MEI4: variants seen among roughly 807,000 people sequenced by gnomAD.
The protein encoded by MEI4 is meiotic double-stranded break formation protein 4.
Under a neutral mutation model 31.4 loss-of-function variants are expected in MEI4, and 27 were observed. That is an observed-to-expected ratio of 0.86 (90% CI 0.63 to 1.19). The LOEUF (loss-of-function observed/expected upper bound fraction) is 1.19. MEI4 is among the 50% of genes most tolerant of loss of function. The pLI, the probability that MEI4 is intolerant of heterozygous loss-of-function variation, is 0.00. For missense variants in MEI4, 329 were observed against 398.9 expected, an observed-to-expected ratio of 0.82 and a Z score of 1.49; for synonymous variants, 122 against 145.4, an observed-to-expected ratio of 0.84 and a Z score of 1.16.
chr6:77,795,764 T>A (rs6940249), intron 3 of MEI4, among the ~76,000 whole-genome samples: 9 of 150,028 alleles, frequency 6.0e-5, no homozygotes, highest in Middle Eastern at 3.5e-3. Context: ...GAGATTGCAT[T>A]GGAAAAAAAA....
In MEI4 at chr6:77,855,257, A is replaced by G. The variant is rs79470045; in HGVS notation, c.900+26195A>G. On this transcript the variant is annotated intron_variant, in intron 4 of 4. Coordinates refer to ENST00000684080, the MANE Select transcript of MEI4 (RefSeq NM_001322247.2). Reference sequence around the variant, plus strand: ...ATATTCAGGAGGCTGAAGCAGGACAATTGCTTCAACCTGGGAGGCAGAGGT... The same window carrying G: ...ATATTCAGGAGGCTGAAGCAGGACAGTTGCTTCAACCTGGGAGGCAGAGGT... 8.4e-3 allele frequency among the ~76,000 whole-genome samples: 1,282 copies of G among 152,212 alleles called. 13 individuals are homozygous for G. Among genetic ancestry groups the G allele is most frequent in the African/African-American group, 0.029 (1,185 of 41,530 alleles).
chr6:77,732,078 T>G (rs1767015405), intron 2 of MEI4, among the ~76,000 whole-genome samples: 1 of 150,742 alleles, frequency 6.6e-6, no homozygotes, highest in Admixed American at 6.6e-5. Flanking sequence ...TCCAGCTTTG[T>G]TCTTTTGACT....
At chr6:77,908,295 G>A (rs1420861637) in intron 4 of MEI4, among the ~76,000 whole-genome samples, 27 of 152,142 alleles carry the variant, frequency 1.8e-4, no homozygotes, top group Non-Finnish European at 3.7e-4. Context: ...TAACATTTAA[G>A]TCTTTAATCC....
chr6:77,776,932 C>T (rs1670841846), intron 3 of MEI4, among the ~76,000 whole-genome samples: 1 of 152,062 alleles, frequency 6.6e-6, no homozygotes, highest in Admixed American at 6.6e-5. Context: ...TAAGAGGTAG[C>T]AAGAGAAACA....
chr6:77,761,818 G>C (rs772368838), intron 3 of MEI4, among the ~76,000 whole-genome samples, 153 bp downstream of exon 3: 5 of 152,152 alleles, frequency 3.3e-5, no homozygotes, highest in Non-Finnish European at 7.3e-5. Context: ...TATCTGTCAT[G>C]ATGTCTCCAC....
At chr6:77,733,787 A>G in intron 2 of MEI4, among the ~76,000 whole-genome samples, 1 of 151,974 alleles carries the variant, frequency 6.6e-6, no homozygotes, top group Non-Finnish European at 1.5e-5. Context: ...TTCCCTCTAC[A>G]CAGTGCTTTG....
At chr6:77,697,615 C>A (rs1325027010) in intron 2 of MEI4, among the ~76,000 whole-genome samples, 2 of 152,094 alleles carry the variant, frequency 1.3e-5, no homozygotes, top group Non-Finnish European at 2.9e-5. Flanking sequence ...AGTTTGATTG[C>A]ACTGTGGTCT....
chr6:77,666,878 T>TGTGC (rs1554208078), intron 1 of MEI4, among the ~76,000 whole-genome samples: 1 of 146,074 alleles, frequency 6.8e-6, no homozygotes, highest in African/African-American at 2.6e-5. Context: ...TGTGTGTGTG[T>TGTGC]GTGTGCGTGC....
intron 3 of MEI4, among the ~76,000 whole-genome samples, chr6:77,772,645 C>T (rs1245769894): frequency 1.3e-5 from 2 of 151,966 alleles, no homozygotes; most frequent in Non-Finnish European, 2.9e-5. Flanking sequence ...GAAAGCCTTT[C>T]CTCTAAGATC....
chr6:77,919,267 A>G (rs1766642899), intron 4 of MEI4, among the ~76,000 whole-genome samples: 1 of 152,118 alleles, frequency 6.6e-6, no homozygotes, highest in Non-Finnish European at 1.5e-5. Context: ...TCCTCAGCAT[A>G]TGTAAAAGAA....
At chr6:77,825,925 G>C (rs528639609) in intron 3 of MEI4, among the ~76,000 whole-genome samples, 2 of 152,282 alleles carry the variant, frequency 1.3e-5, no homozygotes, top group South Asian at 4.1e-4. Context: ...TCTATACTCT[G>C]TGCATGCAGT....
intron 3 of MEI4, among the ~76,000 whole-genome samples, chr6:77,799,022 T>G (rs1769167948): frequency 6.6e-6 from 1 of 152,168 alleles, no homozygotes; most frequent in African/African-American, 2.4e-5. Flanking sequence ...ATGGGATTGC[T>G]GGGTCAAATG....
chr6:77,683,478 A>G lies in MEI4; in HGVS notation c.-14-7180A>G, dbSNP rs1229961136. Among the ~76,000 whole-genome samples, 9 of 152,220 alleles carry G rather than the reference A, an allele frequency of 5.9e-5. No individual in the cohort carries two copies. In the South Asian group the frequency reaches 1.5e-3, roughly 25 times the overall value. ...GCAAAACATTATTAACTATGTCACC[A>G]TGTTGTACCATGGATCTCTGGAAGT... On this transcript the variant is annotated intron_variant, in intron 1 of 4. Transcript: ENST00000684080.
chr6:77,852,617 A>G (rs1011393072), intron 4 of MEI4, among the ~76,000 whole-genome samples: 3 of 147,826 alleles, frequency 2.0e-5, no homozygotes, highest in African/African-American at 5.0e-5. Context: ...TTTTAGAGAC[A>G]GGAAAGTCCA....
intron 3 of MEI4, among the ~76,000 whole-genome samples, chr6:77,795,572 G>A (rs954643585): frequency 1.3e-5 from 2 of 151,576 alleles, no homozygotes; most frequent in African/African-American, 4.9e-5. Flanking sequence ...TATTCAAATA[G>A]TATTACAAAT....
chr6:77,850,366 A>G (rs1316360482), intron 4 of MEI4, among the ~76,000 whole-genome samples: 1 of 152,076 alleles, frequency 6.6e-6, no homozygotes, highest in East Asian at 1.9e-4. Flanking sequence ...GAGGCATCAC[A>G]CTCCCTGACT....
intron 3 of MEI4, among the ~76,000 whole-genome samples, chr6:77,790,691 T>G (rs1189042987): frequency 1.3e-5 from 2 of 152,160 alleles, no homozygotes; most frequent in East Asian, 3.8e-4. Context: ...ATTTTGAGAC[T>G]CATGATCATA....
chr6:77,890,332 C>T (rs1771728679), intron 4 of MEI4, among the ~76,000 whole-genome samples: 1 of 152,184 alleles, frequency 6.6e-6, no homozygotes, highest in Non-Finnish European at 1.5e-5. Flanking sequence ...GAATATGAGA[C>T]ATGGAGGCAA....
chr6:77,749,691 ATCT>A (rs1767714571), intron 2 of MEI4, among the ~76,000 whole-genome samples: 1 of 152,190 alleles, frequency 6.6e-6, no homozygotes, highest in Admixed American at 6.6e-5. Flanking sequence ...TTGGAAAACA[ATCT>A]TCAGGCTATT....
Sources: allele counts gnomAD v4.1 joint callset (sites outside exome capture counted in the v4.1 genomes callset), GRCh38; gene constraint gnomAD v4.1.1; transcripts MANE v1.5; gene names NCBI Gene and HGNC (gene_info 2026-07-23, HGNC 2026-07-21).